ACE: variants seen among roughly 807,000 people sequenced by gnomAD.
ACE encodes angiotensin-converting enzyme.
ACE carries 122 observed loss-of-function variants against 162.3 expected under a neutral mutation model. That is an observed-to-expected ratio of 0.75 (90% CI 0.65 to 0.87). The LOEUF (loss-of-function observed/expected upper bound fraction) is 0.87. Ranked by LOEUF, ACE falls within the 40% of genes least tolerant of loss-of-function variation. The pLI is 0.00. For synonymous variants in ACE, 796 were observed against 720.6 expected (o/e 1.10, Z -1.68); for missense variants, 1,799 against 1,735.1 (o/e 1.04, Z -0.65).
Position 63,478,021 on chromosome 17 carries a change from G to C in ACE, c.340G>C (p.Asp114His), listed in dbSNP as rs1568035450. The C allele has an allele frequency of 6.2e-7, 1 of 1,610,236 alleles. No homozygotes were observed. Among genetic ancestry groups the C allele is most frequent in the East Asian group, 2.2e-5 (1 of 44,764 alleles). ...LYEPIWQNFTDPQLRRIIGAV... is the reference protein window; with the variant it reads ...LYEPIWQNFTHPQLRRIIGAV... Reference sequence around the variant, plus strand: ...TGAACCGATCTGGCAGAACTTCACGGACCCGCAGCTGCGCAGGATCATCGG... The same window carrying C: ...TGAACCGATCTGGCAGAACTTCACGCACCCGCAGCTGCGCAGGATCATCGG... Residue 114 changes from aspartate (D) to histidine (H), a missense_variant, in exon 2 of 25, where the codon GAC becomes CAC. Physicochemically the swap from Asp to His is moderately conservative, Grantham distance 81 (BLOSUM62 -1). Coordinates refer to ENST00000290866, the MANE Select transcript of ACE (RefSeq NM_000789.4).
At chr17:63,481,536 C>T (rs1298694062) in intron 6 of ACE, 30 bp from the exon 7 acceptor site, 1 of 1,612,622 alleles carries the variant, frequency 6.2e-7, no homozygotes, top group Middle Eastern at 1.7e-4. Context: ...AGTGGGCTCC[C>T]CCTGACCTGG....
chr17:63,484,349 T>A lies in ACE; in HGVS notation c.1729T>A (p.Ser577Thr), dbSNP rs749450863. 1.2e-6 allele frequency: 2 copies of A among 1,611,058 alleles called. No homozygotes were observed. The highest frequency in any genetic ancestry group is 8.5e-7 in the Non-Finnish European group (1 of 1,179,828). The change falls in exon 12 of 25, where the codon TCC becomes ACC. Residue 577 changes from serine (S) to threonine (T), a missense_variant. Transcript: ENST00000290866. The surrounding 1 kb of genome is among the most constrained non-coding windows in gnomAD (Gnocchi z 4.0). ...CACCAGGAAGGTGCTGCAGGCTGGC[T>A]CCTCCAGGCCCTGGCAGGAGGTGCT... is the stretch of plus-strand genomic sequence containing the variant. ...AKLRKVLQAG[S>T]SRPWQEVLKD...
chr17:63,477,188 C>A lies in ACE; in HGVS notation c.94C>A (p.Pro32Thr), dbSNP rs1395554180. The change falls in exon 1 of 25, where the codon CCC becomes ACC. Residue 32 changes from proline (P) to threonine (T), a missense_variant. Physicochemically the swap from Pro to Thr is conservative, Grantham distance 38. Coordinates refer to ENST00000290866, the MANE Select transcript of ACE (RefSeq NM_000789.4). ...LPPQPALALD[P>T]GLQPGNFSAD... The stretch of plus-strand genomic sequence containing the variant: ...GCCGCAGCCCGCCCTGGCGTTGGAC[C>A]CCGGGCTGCAGCCCGGCAACTTTTC... 3 of 1,478,872 alleles carry A rather than the reference C, an allele frequency of 2.0e-6. No individual in the cohort carries two copies. Among genetic ancestry groups the A allele is most frequent in the East Asian group, 5.9e-5 (2 of 33,838 alleles). 91.6% of individuals were successfully genotyped at this position (1,478,872 alleles called of 1,614,324 possible).
At position 63,484,493 on chromosome 17, in the gene ACE, G is replaced by A. The variant is rs754396876; in HGVS notation, c.1873G>A (p.Glu625Lys). The change falls in exon 12 of 25, where the codon GAG becomes AAG. Residue 625 changes from glutamate (E) to lysine (K), a missense_variant. By Grantham distance (56) the Glu-to-Lys change is moderately conservative. Transcript: ENST00000290866. The surrounding 1 kb of genome is among the most constrained non-coding windows in gnomAD (Gnocchi z 4.0). The part of the protein sequence containing the change: ...QQNGEVLGWP[E>K]YQWHPPLPDN... ...GAACGGCGAGGTCCTGGGCTGGCCC[G>A]AGTACCAGTGGCACCCGCCGTTGCC... 14 of 1,608,466 alleles carry A rather than the reference G, an allele frequency of 8.7e-6. No homozygotes were observed. The highest frequency in any genetic ancestry group is 4.0e-5 in the African/African-American group (3 of 74,896).
At chr17:63,496,345 A>G (rs1026472840) in intron 22 of ACE, 49 bp from the exon 23 acceptor site, 1 of 1,613,332 alleles carries the variant, frequency 6.2e-7, no homozygotes, top group South Asian at 1.1e-5. Context: ...CCAGTGGCAC[A>G]AGGCCCTCAA....
At position 63,481,097 on chromosome 17, in the gene ACE, T is replaced by C. The variant is rs747832023; in HGVS notation, c.854T>C (p.Met285Thr). 6 of 1,613,826 alleles carry C rather than the reference T, an allele frequency of 3.7e-6. No individual in the cohort carries two copies. Among genetic ancestry groups the C allele is most frequent in the East Asian group, 2.2e-5 (1 of 44,862 alleles). Residue 285 changes from methionine (M) to threonine (T), a missense_variant, in exon 6 of 25, where the codon ATG (methionine) becomes ACG (threonine). Physicochemically the swap from Met to Thr is moderately conservative, Grantham distance 81 (BLOSUM62 -1). Coordinates refer to ENST00000290866, the MANE Select transcript of ACE (RefSeq NM_000789.4). The part of the protein sequence containing the change: ...GPIPAHLLGD[M>T]WAQSWENIYD... The stretch of plus-strand genomic sequence containing the variant: ...CCCTTCCTTCCTTATCTAGGAGACA[T>C]GTGGGCCCAGAGCTGGGAAAACATC...
chr17:63,490,173 CTT>C (rs1486739229), intron 17 of ACE: 3 of 153,234 alleles, frequency 2.0e-5, no homozygotes, highest in African/African-American at 7.2e-5. Context: ...GCACTTTAGA[CTT>C]CATCTGATGT....
intron 17 of ACE, among the ~76,000 whole-genome samples, chr17:63,489,651 C>T (rs1475773311): frequency 6.6e-6 from 1 of 152,156 alleles, no homozygotes; most frequent in African/African-American, 2.4e-5. Flanking sequence ...CTCAGATGCC[C>T]TGAATGTGTG....
At chr17:63,492,552 T>G (rs1482183681) in intron 19 of ACE, among the ~76,000 whole-genome samples, 1 of 152,134 alleles carries the variant, frequency 6.6e-6, no homozygotes, top group Non-Finnish European at 1.5e-5. Flanking sequence ...GGTCTTCCCT[T>G]TTATGGGGAG....
chr17:63,487,053 GC>G lies in ACE; in HGVS notation c.2286del (p.Cys763AlafsTer8). On this transcript the variant is annotated frameshift_variant, in exon 15 of 25. Coordinates refer to ENST00000290866, the MANE Select transcript of ACE (RefSeq NM_000789.4). LOFTEE classifies it high-confidence loss of function. ...SVATVCHPNG[S>X]CLQLEPDLTN... ...GCCACTGTGTGCCACCCGAATGGCA[GC>G]TGCCTGCAGCTCGAGCCAGGTGAGA... 6.2e-7 allele frequency: 1 copy of G among 1,613,540 alleles called. No individual in the cohort carries two copies. The highest frequency in any genetic ancestry group is 8.5e-7 in the Non-Finnish European group (1 of 1,179,994).
intron 1 of ACE, 178 bp downstream of exon 1, chr17:63,477,521 C>A: frequency 3.0e-6 from 1 of 336,160 alleles, no homozygotes; most frequent in Non-Finnish European, 4.4e-6. Flanking sequence ...ACGGCCTGCG[C>A]TCCCAGCATG....
intron 19 of ACE, 63 bp from the exon 20 acceptor site, chr17:63,493,373 C>T: frequency 6.6e-7 from 1 of 1,515,242 alleles, no homozygotes; most frequent in Non-Finnish European, 9.2e-7. Flanking sequence ...CCACTGTTCC[C>T]TTATGCCCAG....
rs766053859 is a variant in ACE at position 63,496,925 on chromosome 17, G to T, written c.3631G>T (p.Glu1211Ter). The stretch of plus-strand genomic sequence containing the variant: ...GCCGCTGCTGGACTGGCTCCGCACG[G>T]AGAACGAGCTGCATGGGGAGAAGCT... The part of the protein sequence containing the change: ...FKPLLDWLRT[E>*]NELHGEKLGW... The change falls in exon 24 of 25, where the codon GAG becomes TAG. Residue 1211 changes from glutamate (E) to a stop codon, truncating the protein, a stop_gained. Coordinates refer to ENST00000290866, the MANE Select transcript of ACE (RefSeq NM_000789.4). LOFTEE classifies it high-confidence loss of function. 6.2e-7 allele frequency: 1 copy of T among 1,613,510 alleles called. No individual in the cohort carries two copies.
chr17:63,486,351 G>C, intron 13 of ACE: 1 of 627,932 alleles, frequency 1.6e-6, no homozygotes, highest in South Asian at 1.9e-5. Flanking sequence ...TGTGTTGCTT[G>C]ACCGCAGGCA....
intron 8 of ACE, 75 bp from the exon 9 acceptor site, chr17:63,482,954 C>T (rs1388277424): frequency 1.5e-5 from 23 of 1,506,142 alleles, no homozygotes; most frequent in Admixed American, 5.0e-5. Context: ...TCTGCTGCCC[C>T]GCCAGCCCAC....
Position 63,491,869 on chromosome 17 carries a change from A to G in ACE, c.2912+488A>G, listed in dbSNP as rs533498473. The stretch of plus-strand genomic sequence containing the variant: ...CCCCAGAGCTTAGCCTTACGAAACA[A>G]CCAGTTGATTTTGCTTATGATTTTA... On this transcript the variant is annotated intron_variant, in intron 19 of 24. Coordinates refer to ENST00000290866, the MANE Select transcript of ACE (RefSeq NM_000789.4). The surrounding 1 kb of genome is among the most constrained non-coding windows in gnomAD (Gnocchi z 4.4). Among the ~76,000 whole-genome samples the G allele has an allele frequency of 2.0e-5, 3 of 152,312 alleles. No homozygotes were observed. The East Asian group carries it at 5.8e-4, about 29-fold the overall frequency.
rs1157646477 is a variant in ACE at position 63,488,640 on chromosome 17, C to T, written c.2306-8C>T. ...GGCTGGAGCTCAAGGCATTCAAACC[C>T]CTACCAGATCTGACGAATGTGATGG... On this transcript the variant is annotated splice_polypyrimidine_tract_variant and splice_region_variant and intron_variant, in intron 15 of 24. Coordinates refer to ENST00000290866, the MANE Select transcript of ACE (RefSeq NM_000789.4). 9 of 1,613,024 alleles carry T rather than the reference C, an allele frequency of 5.6e-6. No homozygotes were observed. Among genetic ancestry groups the T allele is most frequent in the Admixed American group, 1.7e-5 (1 of 59,820 alleles).
intron 4 of ACE, 86 bp from the exon 5 acceptor site, chr17:63,480,251 G>C (rs939181093): frequency 4.1e-6 from 6 of 1,449,068 alleles, no homozygotes; most frequent in Non-Finnish European, 5.8e-6. Context: ...CACGGGCCTC[G>C]AGCCAGTGGA....
chr17:63,482,475 G>T lies in ACE; in HGVS notation c.1128G>T (p.Gln376His), dbSNP rs1190121193. 6.2e-7 allele frequency: 1 copy of T among 1,613,884 alleles called. No individual in the cohort carries two copies. ...FYNRKDFRIK[Q>H]CTRVTMDQLS... Reference sequence around the variant, plus strand: ...CCTCTCTACGCCCCAGGATCAAGCAGTGCACACGGGTCACGATGGACCAGC... The same window carrying T: ...CCTCTCTACGCCCCAGGATCAAGCATTGCACACGGGTCACGATGGACCAGC... The change falls in exon 8 of 25, where the codon CAG becomes CAT. Residue 376 changes from glutamine (Q) to histidine (H), a missense_variant. Transcript: ENST00000290866.
Sources: gnomAD v4.1 joint callset for allele counts (sites outside exome capture counted in the v4.1 genomes callset) on GRCh38, gnomAD v4.1.1 for gene constraint, Gnocchi (gnomAD v3.1) non-coding constraint, MANE v1.5 for transcripts, NCBI Gene and HGNC (gene_info 2026-07-23, HGNC 2026-07-21) for gene names.